WDR89: variants seen among roughly 807,000 people sequenced by gnomAD.
WDR89 encodes the protein WD repeat domain 89, also known as WD repeat-containing protein 89.
WDR89 carries 17 observed loss-of-function variants against 29.1 expected under a neutral mutation model. That is an observed-to-expected ratio of 0.58 (90% CI 0.40 to 0.88). The LOEUF is 0.88. WDR89 is among the 40% of genes least tolerant of loss of function. The probability of loss-of-function intolerance (pLI) is 0.00; values close to 1 mark genes in which losing one functional copy is unlikely to be tolerated. For missense variants in WDR89, 396 were observed against 456.3 expected (o/e 0.87, Z 1.20); for synonymous variants, 138 against 157.8 (o/e 0.87, Z 0.94).
rs187665661 is a variant in WDR89 at position 63,606,338 on chromosome 14, G to T, written c.-31-6365C>A. 5.3e-5 allele frequency among the ~76,000 whole-genome samples: 8 copies of T among 152,198 alleles called. No individual in the cohort carries two copies. The East Asian group carries it at 1.5e-3, about 29-fold the overall frequency. ...AGTAGAAATAGGCTTATGGAATAAG[G>T]ATATATGAAGAAAATATTTTTGTAC... On this transcript the variant is annotated intron_variant, in intron 2 of 2. Transcript: ENST00000620954.
rs201624147 is a variant in WDR89, at chr14:63,614,185, C to CT, written c.-32+10742dup. Among the ~76,000 whole-genome samples the CT allele has an allele frequency of 5.1e-3, 772 of 152,152 alleles. 3 individuals are homozygous for CT. The highest frequency in any genetic ancestry group is 9.0e-3 in the Non-Finnish European group (614 of 68,008). On this transcript the variant is annotated intron_variant, in intron 2 of 2. Transcript: ENST00000620954. ...TAGCAGAGCCACATGGAAGCAGTAG[C>CT]TGCTAATGTGTAAAGTGACAAGGCC...
intron 2 of WDR89, among the ~76,000 whole-genome samples, chr14:63,620,211 G>A (rs781085630): frequency 1.3e-5 from 2 of 151,832 alleles, no homozygotes; most frequent in African/African-American, 2.4e-5. Context: ...CAGCTACTCG[G>A]GTACACATTT....
At chr14:63,641,692 C>T (rs1436669460) in intron 1 of WDR89, 112 bp downstream of exon 1, 1 of 152,498 alleles carries the variant, frequency 6.6e-6, no homozygotes, top group African/African-American at 2.4e-5. Context: ...CTCCGCGCTC[C>T]CGCGATAGCT....
intron 2 of WDR89, among the ~76,000 whole-genome samples, chr14:63,612,728 G>A (rs1389022901): frequency 6.6e-6 from 1 of 152,062 alleles, no homozygotes; most frequent in African/African-American, 2.4e-5. Context: ...AATTTGGAAA[G>A]AAGCAAACTG....
At chr14:63,608,628 G>A (rs1881748003) in intron 2 of WDR89, among the ~76,000 whole-genome samples, 1 of 151,520 alleles carries the variant, frequency 6.6e-6, no homozygotes, top group African/African-American at 2.4e-5. Context: ...AAATACTGCA[G>A]TGAAGTATCT....
At chr14:63,619,378 C>T (rs1882524828) in intron 2 of WDR89, among the ~76,000 whole-genome samples, 1 of 152,176 alleles carries the variant, frequency 6.6e-6, no homozygotes, top group Admixed American at 6.6e-5. Context: ...AGGCTAAATG[C>T]TATTTAGCTT....
chr14:63,616,439 G>A (rs192978752), intron 2 of WDR89, among the ~76,000 whole-genome samples: 1 of 151,756 alleles, frequency 6.6e-6, no homozygotes, highest in East Asian at 1.9e-4. Context: ...TAAAAATAGT[G>A]AGGAGTGTTA....
At chr14:63,617,241 G>GCA (rs1250320193) in intron 2 of WDR89, among the ~76,000 whole-genome samples, 1 of 151,768 alleles carries the variant, frequency 6.6e-6, no homozygotes, top group Admixed American at 6.6e-5. Context: ...ACCATGTCTG[G>GCA]CTATATATTT....
intron 2 of WDR89, among the ~76,000 whole-genome samples, chr14:63,613,820 TC>T (rs1355120006): frequency 7.2e-6 from 1 of 139,618 alleles, no homozygotes; most frequent in East Asian, 2.1e-4. Flanking sequence ...TTTTTAAACA[TC>T]TTTTTTTTTT....
rs571324018 is a variant in WDR89 at position 63,598,882 on chromosome 14, T to C, written c.1061A>G (p.Glu354Gly). Residue 354 changes from glutamate to glycine, a missense_variant, in exon 3 of 3, where the codon GAG becomes GGG. By Grantham distance (98) the Glu-to-Gly change is moderately conservative. Transcript: ENST00000620954. ...QLLLWKPGAI[E>G]KTFTKKESMK... ...ACTCTCTTTCTTTGTAAAGGTCTTCTCTATAGCTCCAGGTTTCCAAAGTAA... is the reference window on the plus strand; with the variant it reads ...ACTCTCTTTCTTTGTAAAGGTCTTCCCTATAGCTCCAGGTTTCCAAAGTAA... 42 of 1,614,100 alleles carry C rather than the reference T, an allele frequency of 2.6e-5. No individual in the cohort carries two copies. Among genetic ancestry groups the C allele is most frequent in the South Asian group, 5.5e-5 (5 of 91,086 alleles).
At position 63,599,847 on chromosome 14, in the gene WDR89, T is replaced by C. The variant is rs1254576725; in HGVS notation, c.96A>G (p.Ser32=). ...TTTCCTTTCCTGCTTGGACAGTCTTTGATGTGTCTATACCAAGAAGGTAAG... is the reference window on the plus strand; with the variant it reads ...TTTCCTTTCCTGCTTGGACAGTCTTCGATGTGTCTATACCAAGAAGGTAAG... ...EPTYLLGIDT[S]KTVQAGKENL... Residue 32 remains serine, a synonymous_variant, in exon 3 of 3, where the codon TCA becomes TCG. Transcript: ENST00000620954. 1.9e-6 allele frequency: 3 copies of C among 1,614,066 alleles called. No homozygotes were observed. The highest frequency in any genetic ancestry group is 3.3e-5 in the Admixed American group (2 of 59,996).
chr14:63,628,693 G>A (rs1883217986), intron 1 of WDR89, among the ~76,000 whole-genome samples: 1 of 152,204 alleles, frequency 6.6e-6, no homozygotes. Flanking sequence ...GCCGGGTGCG[G>A]TGGCTCACGC....
chr14:63,603,670 C>T (rs1212989435), intron 2 of WDR89, among the ~76,000 whole-genome samples: 1 of 152,144 alleles, frequency 6.6e-6, no homozygotes. Flanking sequence ...TGGACTTGGC[C>T]ATTAAGACCC....
intron 2 of WDR89, among the ~76,000 whole-genome samples, chr14:63,600,294 G>A (rs769420830): frequency 1.3e-5 from 2 of 151,738 alleles, no homozygotes; most frequent in African/African-American, 2.4e-5. Flanking sequence ...AGGCATTAGA[G>A]ACCAGCCTGA....
intron 1 of WDR89, among the ~76,000 whole-genome samples, chr14:63,637,075 A>G (rs1238039169): frequency 6.6e-6 from 1 of 152,200 alleles, no homozygotes; most frequent in African/African-American, 2.4e-5. Flanking sequence ...AAAAAAAACA[A>G]ACAAGCCCAT....
intron 2 of WDR89, among the ~76,000 whole-genome samples, chr14:63,620,255 T>TAA (rs1388656339): frequency 6.6e-6 from 1 of 151,984 alleles, no homozygotes; most frequent in Admixed American, 6.6e-5. Flanking sequence ...ACCTCAGCCT[T>TAA]AAAAAAGAAC....
At chr14:63,601,899 A>G (rs1038573691) in intron 2 of WDR89, 7 of 541,618 alleles carry the variant, frequency 1.3e-5, no homozygotes, top group African/African-American at 9.5e-5. Flanking sequence ...AATAATTTCC[A>G]TATTTCTCTT....
At chr14:63,626,494 T>C (rs1883057345) in intron 1 of WDR89, among the ~76,000 whole-genome samples, 1 of 148,468 alleles carries the variant, frequency 6.7e-6, no homozygotes, top group Non-Finnish European at 1.5e-5. Context: ...CTGGCCAACA[T>C]GGCAAAATCC....
At chr14:63,614,773 T>A (rs183239195) in intron 2 of WDR89, among the ~76,000 whole-genome samples, 1 of 152,344 alleles carries the variant, frequency 6.6e-6, no homozygotes, top group African/African-American at 2.4e-5. Flanking sequence ...TTGTTTTAAA[T>A]TCAGAAGAAC....
Sources: allele counts gnomAD v4.1 joint callset (sites outside exome capture counted in the v4.1 genomes callset), GRCh38; gene constraint gnomAD v4.1.1; transcripts MANE v1.5; gene names NCBI Gene and HGNC (gene_info 2026-07-23, HGNC 2026-07-21).